The following STIMATE variants were observed in gnomAD, a reference collection of about 807,000 sequenced individuals.
STIMATE encodes store-operated calcium entry regulator STIMATE.
A neutral mutation model predicts 36.7 loss-of-function variants in STIMATE; 15 were observed. The observed-to-expected ratio is 0.41, with a 90% CI of 0.27 to 0.63. The LOEUF (loss-of-function observed/expected upper bound fraction) is 0.63, where lower values mean the gene tolerates loss of function less well. Ranked by LOEUF, STIMATE falls within the 20% of genes least tolerant of loss-of-function variation. The pLI is 0.32. For synonymous variants in STIMATE, 163 were observed against 162.3 expected, an observed-to-expected ratio of 1.00 and a Z score of -0.03; for missense variants, 305 against 397.3, an observed-to-expected ratio of 0.77 and a Z score of 1.98.
At chr3:52,870,945 G>C (rs1471250476) in intron 1 of STIMATE, among the ~76,000 whole-genome samples, 1 of 151,948 alleles carries the variant, frequency 6.6e-6, no homozygotes, top group East Asian at 1.9e-4. Flanking sequence ...GCACCTTCTC[G>C]ACACTCCCAC....
rs376415680 is a variant in STIMATE, at chr3:52,894,534, A to G, written c.160+2757T>C. ...ATATAAGTAATCTTCCTTCAGGACA[A>G]ACCTCTCCAGATTAAAAACAAAGAA... On this transcript the variant is annotated intron_variant, in intron 1 of 7. Coordinates refer to ENST00000355083, the MANE Select transcript of STIMATE (RefSeq NM_198563.5). 7.9e-5 allele frequency among the ~76,000 whole-genome samples: 12 copies of G among 152,320 alleles called. No homozygotes were observed. In the South Asian group the frequency reaches 1.7e-3, roughly 21 times the overall value.
In STIMATE at chr3:52,840,391, T is replaced by A; in HGVS notation, c.*103A>T. 7.9e-7 allele frequency: 1 copy of A among 1,270,440 alleles called. No homozygotes were observed. The allele number at this position is 1,270,440 out of a possible 1,614,324, so 78.7% of individuals were successfully genotyped here. A position where few individuals can be genotyped will look rare whatever the true frequency, so the allele number is the denominator to read the frequency against. ...GCAGAGACAGCAAGAGGAGCAGAGGTAGAAAGGAAGGGCAGAGAGAGGGTA... is the reference window on the plus strand; with the variant it reads ...GCAGAGACAGCAAGAGGAGCAGAGGAAGAAAGGAAGGGCAGAGAGAGGGTA... On this transcript the variant is annotated 3_prime_UTR_variant, in exon 8 of 8. Transcript: ENST00000355083.
intron 1 of STIMATE, among the ~76,000 whole-genome samples, chr3:52,856,245 A>G (rs1008219189): frequency 6.6e-6 from 1 of 152,196 alleles, no homozygotes; most frequent in African/African-American, 2.4e-5. Flanking sequence ...GGCAGGTAGC[A>G]GGGTGACAAA....
chr3:52,859,531 A>AAAAAATTT lies in STIMATE; in HGVS notation c.161-4088_161-4087insAAATTTTT, dbSNP rs748928249. ...AAAAAAAAAAAAAAAAAAAAAAAAA[A>AAAAAATTT]TTTTTTTTTTTTTTTTTTTTTTGCT... On this transcript the variant is annotated intron_variant, in intron 1 of 7. Coordinates refer to ENST00000355083, the MANE Select transcript of STIMATE (RefSeq NM_198563.5). 1.2e-3 allele frequency among the ~76,000 whole-genome samples: 23 copies of AAAAAATTT among 18,836 alleles called. 1 individual carries two copies. Among genetic ancestry groups the AAAAAATTT allele is most frequent in the Non-Finnish European group, 1.8e-3 (15 of 8,552 alleles). The allele number at this position is 18,836 out of a possible 152,430, so 12.4% of individuals were successfully genotyped here.
chr3:52,864,388 T>TG (rs1177314700), intron 1 of STIMATE, among the ~76,000 whole-genome samples: 1 of 152,168 alleles, frequency 6.6e-6, no homozygotes, highest in African/African-American at 2.4e-5. Context: ...CTGGAGCGGC[T>TG]GGGATGCACG....
intron 3 of STIMATE, among the ~76,000 whole-genome samples, chr3:52,851,159 A>G (rs1317725991): frequency 6.6e-6 from 1 of 152,012 alleles, no homozygotes; most frequent in Non-Finnish European, 1.5e-5. Flanking sequence ...CCGACACAAA[A>G]TTTTTTCTCT....
Position 52,840,209 on chromosome 3 carries a change from TG to T in STIMATE, c.*284del, listed in dbSNP as rs1356555305. The T allele has an allele frequency of 8.5e-6, 2 of 235,434 alleles. No individual in the cohort carries two copies. Among genetic ancestry groups the T allele is most frequent in the African/African-American group, 4.5e-5 (2 of 44,094 alleles). The allele number at this position is 235,434 out of a possible 1,614,324, so 14.6% of individuals were successfully genotyped here. On this transcript the variant is annotated 3_prime_UTR_variant, in exon 8 of 8. Coordinates refer to ENST00000355083, the MANE Select transcript of STIMATE (RefSeq NM_198563.5). ...GCCTCAGGTCCCTCACAACACTGTCTGGGACGACAACAAACAAACACAGCTC... is the reference window on the plus strand; with the variant it reads ...GCCTCAGGTCCCTCACAACACTGTCTGGACGACAACAAACAAACACAGCTC...
chr3:52,892,479 C>T (rs953882629), intron 1 of STIMATE, among the ~76,000 whole-genome samples: 5 of 152,214 alleles, frequency 3.3e-5, no homozygotes, highest in African/African-American at 9.6e-5. Context: ...AAGGGGCGTT[C>T]TTCCTTTGCC....
At chr3:52,859,414 C>G (rs1701167100) in intron 1 of STIMATE, among the ~76,000 whole-genome samples, 1 of 139,362 alleles carries the variant, frequency 7.2e-6, no homozygotes, top group Admixed American at 7.9e-5. Flanking sequence ...AACCTGTAAT[C>G]CCAGCACTTT....
rs566328236 is a variant in STIMATE at position 52,842,153 on chromosome 3, A to G, written c.768+658T>C. 3.9e-5 allele frequency among the ~76,000 whole-genome samples: 6 copies of G among 152,318 alleles called. No individual in the cohort carries two copies. In the South Asian group the frequency reaches 1.2e-3, roughly 32 times the overall value. On this transcript the variant is annotated intron_variant, in intron 7 of 7. Transcript: ENST00000355083. ...CCTCTCCGGGGAAGACGTTTGTCTC[A>G]GCTTTTCTGCAGCTCCCACCTGCAC...
At chr3:52,848,801 C>T (rs964334802) in intron 4 of STIMATE, among the ~76,000 whole-genome samples, 1 of 152,206 alleles carries the variant, frequency 6.6e-6, no homozygotes, top group Non-Finnish European at 1.5e-5. Context: ...GAAGCCTTCC[C>T]TGGAGCCATA....
chr3:52,887,993 A>G (rs1173742105), intron 1 of STIMATE, among the ~76,000 whole-genome samples: 1 of 19,900 alleles, frequency 5.0e-5, no homozygotes, highest in South Asian at 2.4e-3. Flanking sequence ...TAACAGAATC[A>G]GTTTTTTTTT....
intron 3 of STIMATE, among the ~76,000 whole-genome samples, chr3:52,851,896 G>C (rs1227679393): frequency 1.3e-5 from 2 of 152,230 alleles, no homozygotes; most frequent in African/African-American, 4.8e-5. Context: ...CCTGAGCGGT[G>C]TGAACTTACA....
intron 6 of STIMATE, chr3:52,843,291 G>A (rs894455765): frequency 5.0e-6 from 2 of 402,686 alleles, no homozygotes; most frequent in African/African-American, 4.0e-5. Context: ...CATGTGGGTG[G>A]CCGGCACACC....
At chr3:52,873,440 C>T (rs1417008110) in intron 1 of STIMATE, among the ~76,000 whole-genome samples, 2 of 152,222 alleles carry the variant, frequency 1.3e-5, no homozygotes, top group Non-Finnish European at 2.9e-5. Flanking sequence ...ACTCTTAAAA[C>T]ACTGGTAGAA....
intron 1 of STIMATE, among the ~76,000 whole-genome samples, chr3:52,877,235 C>T (rs573875605): frequency 6.6e-6 from 1 of 152,324 alleles, no homozygotes; most frequent in Non-Finnish European, 1.5e-5. Context: ...GGAAGAAAGC[C>T]CATGTTTACC....
At chr3:52,863,813 C>A (rs1168909980) in intron 1 of STIMATE, among the ~76,000 whole-genome samples, 3 of 152,218 alleles carry the variant, frequency 2.0e-5, no homozygotes, top group African/African-American at 7.2e-5. Context: ...AGGGCCCATG[C>A]AAGTCCGAAA....
At chr3:52,843,538 TG>T (rs1445005923) in intron 6 of STIMATE, among the ~76,000 whole-genome samples, 182 bp downstream of exon 6, 1 of 152,020 alleles carries the variant, frequency 6.6e-6, no homozygotes, top group Non-Finnish European at 1.5e-5. Flanking sequence ...AGCCCTGGTA[TG>T]GGGCCCTGCC....
chr3:52,879,906 A>G (rs1701574042), intron 1 of STIMATE, among the ~76,000 whole-genome samples: 1 of 152,172 alleles, frequency 6.6e-6, no homozygotes. Flanking sequence ...CCCTAGCTAC[A>G]TGAAGTGAGG....
Sources: gnomAD v4.1 joint callset for allele counts (sites outside exome capture counted in the v4.1 genomes callset) on GRCh38, gnomAD v4.1.1 for gene constraint, MANE v1.5 for transcripts, NCBI Gene and HGNC (gene_info 2026-07-23, HGNC 2026-07-21) for gene names.